The following BRINP3 variants were observed in gnomAD, a reference collection of about 807,000 sequenced individuals.
BRINP3 encodes the protein BMP/retinoic acid-inducible neural-specific protein 3.
In BRINP3, 19 loss-of-function variants were observed where a neutral mutation model predicts 71.0. The observed-to-expected ratio is 0.27, with a 90% confidence interval of 0.19 to 0.39. The LOEUF (loss-of-function observed/expected upper bound fraction) is 0.39, where lower values mean the gene tolerates loss of function less well. BRINP3 is among the 10% of genes least tolerant of loss of function. The pLI is 1.00. For missense variants in BRINP3, 959 were observed against 940.8 expected (o/e 1.02, Z -0.25); for synonymous variants, 380 against 337.7 (o/e 1.13, Z -1.37).
rs113747384 is a variant in BRINP3 at position 190,225,952 on chromosome 1, T to C, written c.961+130A>G. ...ACCAGTAGTAAAAGCAATGAAAATG[T>C]CCATTTGAAAGAATAAAAAAATGAA... On this transcript the variant is annotated intron_variant, in intron 6 of 7. Coordinates refer to ENST00000367462, the MANE Select transcript of BRINP3 (RefSeq NM_199051.3). The C allele has an allele frequency of 5.0e-3, 3,247 of 644,896 alleles. 86 individuals carry two copies. In the African/African-American group the frequency reaches 0.051, roughly 10 times the overall value. 39.9% of individuals were successfully genotyped at this position (644,896 alleles called of 1,614,324 possible).
chr1:190,165,711 A>G (rs1442854826), intron 6 of BRINP3, among the ~76,000 whole-genome samples: 2 of 151,814 alleles, frequency 1.3e-5, no homozygotes, highest in African/African-American at 4.8e-5. Flanking sequence ...AATTCTAGCA[A>G]ATAAGTTAAT....
At chr1:190,374,920 G>A (rs1670092184) in intron 2 of BRINP3, among the ~76,000 whole-genome samples, 1 of 151,846 alleles carries the variant, frequency 6.6e-6, no homozygotes, top group Non-Finnish European at 1.5e-5. Flanking sequence ...AGGTCAACAA[G>A]GGACATTAAG....
At chr1:190,207,597 A>G (rs1177720340) in intron 6 of BRINP3, among the ~76,000 whole-genome samples, 1 of 152,118 alleles carries the variant, frequency 6.6e-6, no homozygotes, top group Non-Finnish European at 1.5e-5. Flanking sequence ...TGTGCATGCT[A>G]TATAGGTGTC....
intron 4 of BRINP3, among the ~76,000 whole-genome samples, chr1:190,254,269 T>C (rs1477769131): frequency 6.8e-6 from 1 of 147,284 alleles, no homozygotes; most frequent in Non-Finnish European, 1.5e-5. Context: ...TAATTCCATA[T>C]GAACTTTAAA....
At position 190,477,700 on chromosome 1, in the gene BRINP3, G is replaced by C. The variant is rs909204465; in HGVS notation, c.-303C>G. 1 of 152,078 alleles carries C rather than the reference G, an allele frequency of 6.6e-6. No homozygotes were observed. Among genetic ancestry groups the C allele is most frequent in the South Asian group, 2.1e-4 (1 of 4,808 alleles). 9.4% of individuals were successfully genotyped at this position (152,078 alleles called of 1,614,324 possible). A position where few individuals can be genotyped will look rare whatever the true frequency, so the allele number is the denominator to read the frequency against. ...GGTGGGGAATGGTGGGGGGTGATTC[G>C]TGGTGATCCTTAAGCAAAGTGAAAA... is the stretch of plus-strand genomic sequence containing the variant. On this transcript the variant is annotated 5_prime_UTR_variant, in exon 1 of 8. Coordinates refer to ENST00000367462, the MANE Select transcript of BRINP3 (RefSeq NM_199051.3).
At chr1:190,166,434 T>C (rs998714832) in intron 6 of BRINP3, among the ~76,000 whole-genome samples, 4 of 152,166 alleles carry the variant, frequency 2.6e-5, no homozygotes, top group Non-Finnish European at 4.4e-5. Context: ...ATTCATCTGT[T>C]TGAGAAATTA....
Position 190,180,610 on chromosome 1 carries a change from G to T in BRINP3, c.962-19720C>A, listed in dbSNP as rs565846493. On this transcript the variant is annotated intron_variant, in intron 6 of 7. Transcript: ENST00000367462. ...AAGTAATAAAGTAGCCACCTAAGAA[G>T]GTTTGTGATGTTTAAATGAATTGAT... Among the ~76,000 whole-genome samples the T allele has an allele frequency of 4.2e-4, 64 of 152,030 alleles. No individual in the cohort carries two copies. In the Middle Eastern group the frequency reaches 0.01, roughly 24 times the overall value.
chr1:190,459,130 T>G (rs1257510694), intron 1 of BRINP3, among the ~76,000 whole-genome samples: 2 of 146,830 alleles, frequency 1.4e-5, no homozygotes, highest in Non-Finnish European at 3.0e-5. Context: ...TTAAATTCTT[T>G]CTCACAAAAA....
intron 2 of BRINP3, among the ~76,000 whole-genome samples, chr1:190,322,972 A>G (rs547569617): frequency 6.6e-6 from 1 of 152,126 alleles, no homozygotes; most frequent in Admixed American, 6.6e-5. Context: ...TTCAAAGCGC[A>G]GAAGGATTAT....
intron 2 of BRINP3, among the ~76,000 whole-genome samples, chr1:190,308,821 A>G (rs952545213): frequency 6.6e-6 from 1 of 151,968 alleles, no homozygotes; most frequent in Admixed American, 6.6e-5. Context: ...ATATGTTTAT[A>G]TGTGTTAATA....
intron 2 of BRINP3, among the ~76,000 whole-genome samples, chr1:190,283,770 A>G (rs1251824109): frequency 1.3e-5 from 2 of 151,404 alleles, no homozygotes; most frequent in Non-Finnish European, 3.0e-5. Context: ...AAAACTTCTA[A>G]GAAGTTATTT....
chr1:190,365,627 T>C (rs983951009), intron 2 of BRINP3, among the ~76,000 whole-genome samples: 1 of 146,120 alleles, frequency 6.8e-6, no homozygotes, highest in African/African-American at 2.5e-5. Flanking sequence ...TTAATATATT[T>C]TATAATTGTA....
At chr1:190,194,252 G>C (rs1468581736) in intron 6 of BRINP3, among the ~76,000 whole-genome samples, 2 of 152,042 alleles carry the variant, frequency 1.3e-5, no homozygotes, top group African/African-American at 4.8e-5. Flanking sequence ...GCCACCAAAA[G>C]CTGGAAGAAG....
At chr1:190,216,483 T>A (rs114999754) in intron 6 of BRINP3, among the ~76,000 whole-genome samples, 1 of 151,826 alleles carries the variant, frequency 6.6e-6, no homozygotes, top group African/African-American at 2.4e-5. Flanking sequence ...ATAAATATTG[T>A]TATTAGAGTG....
At chr1:190,384,712 G>T (rs2102269939) in intron 2 of BRINP3, among the ~76,000 whole-genome samples, 1 of 151,864 alleles carries the variant, frequency 6.6e-6, no homozygotes, top group South Asian at 2.1e-4. Context: ...GAAATTTAGA[G>T]AATCAAATTA....
chr1:190,412,395 TTA>T (rs10552194), intron 2 of BRINP3, among the ~76,000 whole-genome samples: 49,608 of 134,732 alleles, frequency 0.37, 8,991 homozygotes, highest in African/African-American at 0.44. Context: ...TATATATATA[TTA>T]TATATATATA....
At chr1:190,198,163 T>C (rs1654663952) in intron 6 of BRINP3, among the ~76,000 whole-genome samples, 1 of 152,044 alleles carries the variant, frequency 6.6e-6, no homozygotes, top group African/African-American at 2.4e-5. Context: ...AGGAACCAAG[T>C]CTCAAGACTG....
intron 7 of BRINP3, among the ~76,000 whole-genome samples, chr1:190,136,053 C>T (rs1294665325): frequency 1.3e-5 from 2 of 151,892 alleles, no homozygotes; most frequent in African/African-American, 2.4e-5. Context: ...GTGTAGCAAA[C>T]GTCTTCTATT....
At chr1:190,257,757 G>T (rs925689254) in intron 4 of BRINP3, among the ~76,000 whole-genome samples, 2 of 152,172 alleles carry the variant, frequency 1.3e-5, no homozygotes, top group African/African-American at 2.4e-5. Flanking sequence ...GTCTGTTGGG[G>T]TTTGCTCGGA....
Sources: allele counts gnomAD v4.1 joint callset (sites outside exome capture counted in the v4.1 genomes callset), GRCh38; gene constraint gnomAD v4.1.1; transcripts MANE v1.5; gene names NCBI Gene and HGNC (gene_info 2026-07-23, HGNC 2026-07-21).